Variants in LIPC observed in about 807,000 individuals in gnomAD.
The protein encoded by LIPC is hepatic triacylglycerol lipase.
A neutral mutation model predicts 50.7 loss-of-function variants in LIPC; 44 were observed. The ratio of observed to expected loss-of-function variants is 0.87; its 90% confidence interval spans 0.68 to 1.11. The LOEUF (loss-of-function observed/expected upper bound fraction) is 1.11. Ranked by LOEUF, LIPC falls within the 50% of genes most tolerant of loss-of-function variation. The pLI is 0.00. For missense variants in LIPC, 697 were observed against 648.2 expected, an observed-to-expected ratio of 1.08 and a Z score of -0.82; for synonymous variants, 271 against 256.4, an observed-to-expected ratio of 1.06 and a Z score of -0.54.
At position 58,529,327 on chromosome 15, in the gene LIPC, C is replaced by T. The variant is rs558089906; in HGVS notation, c.89-9006C>T. ...TAACCGTGGTCAGATGCCAGCATCA[C>T]AGCCCCCTTAGCTGGGTAAGGATTC... is the stretch of plus-strand genomic sequence containing the variant. On this transcript the variant is annotated intron_variant, in intron 1 of 8. Coordinates refer to ENST00000299022, the MANE Select transcript of LIPC (RefSeq NM_000236.3). Among the ~76,000 whole-genome samples, 10 of 152,334 alleles carry T rather than the reference C, an allele frequency of 6.6e-5. No individual in the cohort carries two copies. In the East Asian group the frequency reaches 1.9e-3, roughly 29 times the overall value.
intron 1 of LIPC, among the ~76,000 whole-genome samples, chr15:58,527,781 A>C (rs1250551402): frequency 3.9e-5 from 6 of 152,000 alleles, no homozygotes; most frequent in Non-Finnish European, 7.3e-5. Flanking sequence ...GGTTGAATGA[A>C]TAAATGAATT....
intron 1 of LIPC, among the ~76,000 whole-genome samples, chr15:58,474,974 C>G (rs980073384): frequency 5.0e-4 from 76 of 152,222 alleles, no homozygotes; most frequent in African/African-American, 1.6e-3. Flanking sequence ...GCTACCATCC[C>G]TCCACCTATT....
At chr15:58,508,939 G>A (rs56747543) in intron 1 of LIPC, among the ~76,000 whole-genome samples, 1 of 151,820 alleles carries the variant, frequency 6.6e-6, no homozygotes, top group African/African-American at 2.4e-5. Flanking sequence ...AGTACTACTT[G>A]TAGGCAGAGC....
intron 1 of LIPC, among the ~76,000 whole-genome samples, chr15:58,462,193 T>C (rs779871519): frequency 6.6e-6 from 1 of 152,168 alleles, no homozygotes; most frequent in Admixed American, 6.5e-5. Context: ...ACCTTCCCTA[T>C]AGGATCGTGA....
chr15:58,517,711 A>ATTAG (rs1471685191), intron 1 of LIPC, among the ~76,000 whole-genome samples: 2 of 152,254 alleles, frequency 1.3e-5, no homozygotes, highest in Non-Finnish European at 2.9e-5. Context: ...TTGCATTGAC[A>ATTAG]TTAGACACAA....
At chr15:58,532,073 G>A (rs1277287560) in intron 1 of LIPC, among the ~76,000 whole-genome samples, 1 of 152,186 alleles carries the variant, frequency 6.6e-6, no homozygotes, top group Non-Finnish European at 1.5e-5. Flanking sequence ...TGCACATTCA[G>A]AAATTGAGAC....
chr15:58,507,849 A>G (rs1236896680), intron 1 of LIPC, among the ~76,000 whole-genome samples: 5 of 152,200 alleles, frequency 3.3e-5, no homozygotes, highest in African/African-American at 9.6e-5. Context: ...TCATAGGGGA[A>G]GGGGAGATGG....
intron 1 of LIPC, among the ~76,000 whole-genome samples, chr15:58,482,511 G>A (rs1453280816): frequency 6.6e-6 from 1 of 152,088 alleles, no homozygotes; most frequent in Non-Finnish European, 1.5e-5. Context: ...TCCATAAAAT[G>A]GACAATTCAT....
chr15:58,564,633 A>G (rs1274037639), intron 8 of LIPC, among the ~76,000 whole-genome samples: 2 of 152,160 alleles, frequency 1.3e-5, no homozygotes, highest in African/African-American at 4.8e-5. Flanking sequence ...GGGCTGAGGC[A>G]GAAGAATCAG....
intron 1 of LIPC, among the ~76,000 whole-genome samples, chr15:58,440,903 C>T (rs762907405): frequency 1.3e-5 from 2 of 151,972 alleles, no homozygotes; most frequent in Non-Finnish European, 2.9e-5. Flanking sequence ...TTGGGGTGGC[C>T]CTGGATGGGG....
intron 1 of LIPC, among the ~76,000 whole-genome samples, chr15:58,524,771 G>T (rs1208281478): frequency 6.6e-6 from 1 of 152,116 alleles, no homozygotes; most frequent in East Asian, 1.9e-4. Context: ...TGCTGTCCTT[G>T]GTCTCCTTGA....
rs368899725 is a variant in LIPC, at chr15:58,560,984, G to C, written c.1169+3G>C. The C allele has an allele frequency of 5.3e-6, 7 of 1,309,746 alleles. No homozygotes were observed. The highest frequency in any genetic ancestry group is 7.7e-6 in the Non-Finnish European group (7 of 908,086). The allele number at this position is 1,309,746 out of a possible 1,614,324, so 81.1% of individuals were successfully genotyped here. A position where few individuals can be genotyped will look rare whatever the true frequency, so the allele number is the denominator to read the frequency against. ...ATGCAGAAAATTCCCATCACTCTGT[G>C]AGTAGGAGGTGTAGCCCCCTAGGGT... is the stretch of plus-strand genomic sequence containing the variant. On this transcript the variant is annotated splice_donor_region_variant and intron_variant, in intron 7 of 8. Coordinates refer to ENST00000299022, the MANE Select transcript of LIPC (RefSeq NM_000236.3).
At chr15:58,460,880 T>G (rs1894322461) in intron 1 of LIPC, among the ~76,000 whole-genome samples, 1 of 152,188 alleles carries the variant, frequency 6.6e-6, no homozygotes, top group Non-Finnish European at 1.5e-5. Context: ...TTTTCTCATC[T>G]GCAAGAGGAC....
At chr15:58,487,323 T>C (rs1413734475) in intron 1 of LIPC, among the ~76,000 whole-genome samples, 1 of 152,194 alleles carries the variant, frequency 6.6e-6, no homozygotes, top group Non-Finnish European at 1.5e-5. Context: ...CCTCATGGGC[T>C]CACAGTGAGG....
At chr15:58,457,427 G>A (rs1474014866) in intron 1 of LIPC, among the ~76,000 whole-genome samples, 1 of 152,298 alleles carries the variant, frequency 6.6e-6, no homozygotes, top group East Asian at 1.9e-4. Flanking sequence ...CGTATTCTAA[G>A]CACTCCTCAA....
At chr15:58,438,422 C>T (rs1241329839) in intron 1 of LIPC, among the ~76,000 whole-genome samples, 1 of 152,124 alleles carries the variant, frequency 6.6e-6, no homozygotes, top group Non-Finnish European at 1.5e-5. Context: ...TGACCAGTTT[C>T]GAGTGGGGCG....
At chr15:58,515,497 AGT>A (rs1282882853) in intron 1 of LIPC, among the ~76,000 whole-genome samples, 2 of 149,878 alleles carry the variant, frequency 1.3e-5, no homozygotes, top group Non-Finnish European at 2.9e-5. Flanking sequence ...GAGCTTCATT[AGT>A]GTGATATAAA....
chr15:58,487,629 G>C lies in LIPC; in HGVS notation c.89-50704G>C, dbSNP rs140037205. On this transcript the variant is annotated intron_variant, in intron 1 of 8. Transcript: ENST00000299022. ...CTCTGGCCCAAACAAGCTAATTATT[G>C]CAATTCCAGAGTACATGCCATCATC... Among the ~76,000 whole-genome samples the C allele has an allele frequency of 4.5e-4, 69 of 152,274 alleles. No individual in the cohort carries two copies. The East Asian group carries it at 0.011, about 25-fold the overall frequency.
At chr15:58,492,907 G>A (rs1157826169) in intron 1 of LIPC, among the ~76,000 whole-genome samples, 1 of 152,076 alleles carries the variant, frequency 6.6e-6, no homozygotes, top group African/African-American at 2.4e-5. Flanking sequence ...AAATCTGCAG[G>A]ATTACATCAG....
Sources: gnomAD v4.1 joint callset for allele counts (sites outside exome capture counted in the v4.1 genomes callset) on GRCh38, gnomAD v4.1.1 for gene constraint, MANE v1.5 for transcripts, NCBI Gene and HGNC (gene_info 2026-07-23, HGNC 2026-07-21) for gene names.